The following LPP variants were observed in gnomAD, a reference collection of about 807,000 sequenced individuals.
The protein encoded by LPP is LIM domain containing preferred translocation partner in lipoma.
Under a neutral mutation model 60.4 loss-of-function variants are expected in LPP, and 38 were observed. That is an observed-to-expected ratio of 0.63 (90% CI 0.49 to 0.83). LPP has a LOEUF of 0.83. LPP is among the 40% of genes least tolerant of loss of function. LPP has a pLI of 0.00. For missense variants in LPP, 902 were observed against 783.6 expected (o/e 1.15, Z -1.80); for synonymous variants, 328 against 290.8 (o/e 1.13, Z -1.30).
intron 6 of LPP, among the ~76,000 whole-genome samples, chr3:188,528,474 T>C (rs1260461618): frequency 6.6e-6 from 1 of 152,218 alleles, no homozygotes. Context: ...GAAGGTTGTG[T>C]CTATACATGC....
intron 1 of LPP, among the ~76,000 whole-genome samples, chr3:188,195,952 A>G (rs1409048692): frequency 6.6e-6 from 1 of 151,988 alleles, no homozygotes; most frequent in Non-Finnish European, 1.5e-5. Context: ...CTGCCTTTAT[A>G]TTTGTCTCTA....
intron 6 of LPP, chr3:188,568,536 C>T (rs1026611220): frequency 1.3e-5 from 2 of 151,890 alleles, no homozygotes; most frequent in African/African-American, 4.8e-5. Context: ...TATCGACAGA[C>T]AGTCTTCCAT....
At chr3:188,742,537 G>A (rs989865498) in intron 8 of LPP, among the ~76,000 whole-genome samples, 2 of 151,948 alleles carry the variant, frequency 1.3e-5, no homozygotes, top group African/African-American at 4.8e-5. Flanking sequence ...AGGAACCAGA[G>A]CTACCTCCAC....
chr3:188,844,031 C>G (rs1459041621), intron 9 of LPP, among the ~76,000 whole-genome samples: 5 of 152,094 alleles, frequency 3.3e-5, no homozygotes, highest in Non-Finnish European at 5.9e-5. Flanking sequence ...AAAATTTCAT[C>G]TCATTTTCAA....
At chr3:188,727,594 A>G (rs968840144) in intron 8 of LPP, among the ~76,000 whole-genome samples, 1 of 152,176 alleles carries the variant, frequency 6.6e-6, no homozygotes, top group African/African-American at 2.4e-5. Context: ...CAGAAATAGA[A>G]CCCTAACCTT....
chr3:188,832,040 G>A (rs1201629067), intron 9 of LPP, among the ~76,000 whole-genome samples: 1 of 152,190 alleles, frequency 6.6e-6, no homozygotes, highest in Non-Finnish European at 1.5e-5. Flanking sequence ...GATACTTGTG[G>A]AGGACAGGCT....
At chr3:188,624,850 GCAGA>G (rs1262148970) in intron 7 of LPP, among the ~76,000 whole-genome samples, 12 of 126,670 alleles carry the variant, frequency 9.5e-5, no homozygotes, top group African/African-American at 3.5e-4. Context: ...AGAATAATCT[GCAGA>G]CAGTGACTCT....
intron 6 of LPP, chr3:188,554,010 T>G (rs1373571393): frequency 2.6e-5 from 4 of 152,214 alleles, no homozygotes; most frequent in Non-Finnish European, 5.9e-5. Flanking sequence ...GGGGTGCATT[T>G]TTAAAGGTCA....
chr3:188,233,775 A>AGTGT (rs1333483891), intron 2 of LPP, among the ~76,000 whole-genome samples: 1 of 152,118 alleles, frequency 6.6e-6, no homozygotes, highest in African/African-American at 2.4e-5. Context: ...TAAGGCCTTT[A>AGTGT]AGTCAATTTT....
chr3:188,461,334 A>C (rs1243291279), intron 4 of LPP, among the ~76,000 whole-genome samples: 1 of 152,242 alleles, frequency 6.6e-6, no homozygotes, highest in Non-Finnish European at 1.5e-5. Context: ...TTTAAAAAAT[A>C]AAATTAAAAG....
At chr3:188,488,124 G>A (rs1807153006) in intron 5 of LPP, among the ~76,000 whole-genome samples, 1 of 151,466 alleles carries the variant, frequency 6.6e-6, no homozygotes, top group Non-Finnish European at 1.5e-5. Flanking sequence ...TTGACTCCTG[G>A]CCTTGACCTT....
intron 3 of LPP, among the ~76,000 whole-genome samples, chr3:188,397,484 C>G (rs1781231158): frequency 6.6e-6 from 1 of 152,208 alleles, no homozygotes; most frequent in Admixed American, 6.5e-5. Flanking sequence ...CCTTAACCTT[C>G]TCTCCTGAGA....
At chr3:188,759,950 T>G (rs1280561836) in intron 8 of LPP, among the ~76,000 whole-genome samples, 163 bp from the exon 9 acceptor site, 2 of 152,132 alleles carry the variant, frequency 1.3e-5, no homozygotes, top group African/African-American at 4.8e-5. Context: ...GTGGCTGTAC[T>G]GGTGATCTTG....
intron 9 of LPP, 24 bp from the exon 10 acceptor site, chr3:188,866,176 C>G: frequency 6.9e-7 from 1 of 1,447,084 alleles, no homozygotes; most frequent in Non-Finnish European, 9.2e-7. Flanking sequence ...CCCAGTCTGA[C>G]GTGGTTTCTG....
chr3:188,280,250 C>A (rs1013706859), intron 2 of LPP, among the ~76,000 whole-genome samples: 2 of 152,060 alleles, frequency 1.3e-5, no homozygotes, highest in Non-Finnish European at 1.5e-5. Flanking sequence ...AAGGAGAAAG[C>A]GGAGCTGCAT....
At chr3:188,481,878 C>T (rs193301984) in intron 4 of LPP, among the ~76,000 whole-genome samples, 2 of 152,212 alleles carry the variant, frequency 1.3e-5, no homozygotes, top group East Asian at 3.9e-4. Context: ...AAGAGGGGAC[C>T]CAGGAATCCT....
chr3:188,447,558 A>G (rs550024028), intron 4 of LPP, among the ~76,000 whole-genome samples: 137 of 149,230 alleles, frequency 9.2e-4, no homozygotes, highest in African/African-American at 3.3e-3. Context: ...TGCAGTGAGC[A>G]GAGATTACAC....
At chr3:188,301,859 G>A (rs975795781) in intron 2 of LPP, among the ~76,000 whole-genome samples, 2 of 151,452 alleles carry the variant, frequency 1.3e-5, no homozygotes, top group African/African-American at 4.9e-5. Context: ...ATTTTGCCAT[G>A]TTGCCCAGGC....
At chr3:188,762,312 G>T (rs753950203) in intron 9 of LPP, among the ~76,000 whole-genome samples, 2 of 152,270 alleles carry the variant, frequency 1.3e-5, no homozygotes, top group Middle Eastern at 3.4e-3. Flanking sequence ...AAGAAGAAAT[G>T]AGACAATCCT....
Sources: allele counts gnomAD v4.1 joint callset (sites outside exome capture counted in the v4.1 genomes callset), GRCh38; gene constraint gnomAD v4.1.1; transcripts MANE v1.5; gene names NCBI Gene and HGNC (gene_info 2026-07-23, HGNC 2026-07-21).